RNF150: variants seen among roughly 807,000 people sequenced by gnomAD.
The protein encoded by RNF150 is ring finger protein 150.
A neutral mutation model predicts 39.3 loss-of-function variants in RNF150; 24 were observed. That is an observed-to-expected ratio of 0.61 (90% CI 0.44 to 0.86). The LOEUF is 0.86. Ranked by LOEUF, RNF150 falls within the 40% of genes least tolerant of loss-of-function variation. The pLI is 0.00. For missense variants in RNF150, 502 were observed against 587.8 expected, an observed-to-expected ratio of 0.85 and a Z score of 1.51; for synonymous variants, 255 against 227.3, an observed-to-expected ratio of 1.12 and a Z score of -1.10.
At chr4:141,202,945 C>T (rs984000514) in intron 1 of RNF150, among the ~76,000 whole-genome samples, 1 of 151,284 alleles carries the variant, frequency 6.6e-6, no homozygotes, top group Non-Finnish European at 1.5e-5. Context: ...GCACACATTT[C>T]AAAATAAAAT....
At chr4:141,169,040 A>C (rs952539888) in intron 1 of RNF150, among the ~76,000 whole-genome samples, 2 of 152,154 alleles carry the variant, frequency 1.3e-5, no homozygotes, top group Non-Finnish European at 2.9e-5. Flanking sequence ...CAGGGACAGA[A>C]TTATATAGTT....
intron 1 of RNF150, among the ~76,000 whole-genome samples, chr4:141,175,039 G>A (rs1727786200): frequency 6.6e-6 from 1 of 152,206 alleles, no homozygotes; most frequent in Non-Finnish European, 1.5e-5. Flanking sequence ...ATGGAAGCCA[G>A]ACCAAAGGCA....
intron 4 of RNF150, among the ~76,000 whole-genome samples, chr4:140,930,144 G>C (rs1731570928): frequency 6.6e-6 from 1 of 152,086 alleles, no homozygotes; most frequent in African/African-American, 2.4e-5. Context: ...CTGGGTGACA[G>C]AGCAAGACTC....
chr4:141,155,694 T>A (rs61333292), intron 1 of RNF150, among the ~76,000 whole-genome samples: 2 of 152,086 alleles, frequency 1.3e-5, no homozygotes, highest in African/African-American at 4.8e-5. Flanking sequence ...TGGCTGTATA[T>A]GTCAAAAGGT....
intron 1 of RNF150, among the ~76,000 whole-genome samples, chr4:141,139,805 G>A (rs920114989): frequency 6.6e-6 from 1 of 152,204 alleles, no homozygotes; most frequent in Admixed American, 6.5e-5. Flanking sequence ...CAGGTAGCAA[G>A]TATAAGAGTG....
At chr4:141,203,880 GTTC>G (rs1322489419) in intron 1 of RNF150, among the ~76,000 whole-genome samples, 3 of 151,870 alleles carry the variant, frequency 2.0e-5, no homozygotes, top group African/African-American at 7.3e-5. Flanking sequence ...AAAAAAAAAA[GTTC>G]TTCTCTAGAC....
rs555565695 is a variant in RNF150, at chr4:140,927,759, G to T, written c.891-1686C>A. Reference sequence around the variant, plus strand: ...TACCTCCCGGGTTCAAGTGATTCTTGTACCTCAGCCTCCCAAGTAGCTGGG... The same window carrying T: ...TACCTCCCGGGTTCAAGTGATTCTTTTACCTCAGCCTCCCAAGTAGCTGGG... On this transcript the variant is annotated intron_variant, in intron 4 of 6. Transcript: ENST00000515673. 2.0e-3 allele frequency among the ~76,000 whole-genome samples: 296 copies of T among 147,152 alleles called. 6 individuals carry two copies. The highest frequency in any genetic ancestry group is 7.1e-3 in the African/African-American group (275 of 38,690).
At chr4:141,093,480 G>A (rs1190537422) in intron 1 of RNF150, among the ~76,000 whole-genome samples, 1 of 152,136 alleles carries the variant, frequency 6.6e-6, no homozygotes, top group Admixed American at 6.5e-5. Flanking sequence ...CTATAGAAGA[G>A]TTAGCAGTTG....
intron 2 of RNF150, among the ~76,000 whole-genome samples, chr4:140,959,931 G>C (rs1241258869): frequency 6.6e-6 from 1 of 152,108 alleles, no homozygotes; most frequent in Non-Finnish European, 1.5e-5. Flanking sequence ...CTCCCCAAGT[G>C]AGCTCATCCT....
intron 6 of RNF150, among the ~76,000 whole-genome samples, chr4:140,909,764 A>G (rs987000413): frequency 6.6e-6 from 1 of 152,200 alleles, no homozygotes; most frequent in African/African-American, 2.4e-5. Context: ...ATGGCTTTTA[A>G]ATGCCTAATG....
chr4:140,965,679 T>G (rs1196317626), intron 2 of RNF150, among the ~76,000 whole-genome samples: 2 of 152,122 alleles, frequency 1.3e-5, no homozygotes, highest in African/African-American at 4.8e-5. Flanking sequence ...TGATCTCACC[T>G]ATATATGGAA....
intron 1 of RNF150, among the ~76,000 whole-genome samples, chr4:141,156,211 G>A (rs147179084): frequency 5.8e-4 from 88 of 152,314 alleles, no homozygotes; most frequent in African/African-American, 2.0e-3. Context: ...GTCAGTTGGG[G>A]AGCTGAACAT....
At chr4:140,945,746 G>T (rs570554210) in intron 4 of RNF150, among the ~76,000 whole-genome samples, 1 of 151,568 alleles carries the variant, frequency 6.6e-6, no homozygotes, top group African/African-American at 2.4e-5. Flanking sequence ...TTTTAAAACA[G>T]ATTTTCTTAA....
intron 4 of RNF150, among the ~76,000 whole-genome samples, chr4:140,941,827 T>C (rs572189217): frequency 6.6e-6 from 1 of 152,302 alleles, no homozygotes; most frequent in Non-Finnish European, 1.5e-5. Flanking sequence ...AATATAAATA[T>C]ATAAAATTAT....
At chr4:141,187,856 T>G (rs1728039929) in intron 1 of RNF150, among the ~76,000 whole-genome samples, 1 of 152,258 alleles carries the variant, frequency 6.6e-6, no homozygotes, top group African/African-American at 2.4e-5. Context: ...TATTTAAATT[T>G]AATATTGTTA....
rs79911196 is a variant in RNF150, at chr4:141,118,442, G to C, written c.484+13883C>G. On this transcript the variant is annotated intron_variant, in intron 1 of 6. Coordinates refer to ENST00000515673, the MANE Select transcript of RNF150 (RefSeq NM_020724.2). Reference sequence around the variant, plus strand: ...GAGATGGTATCTATTCAAACTGCCTGCTATTAACGGAAGGGTAGTATGTCT... The same window carrying C: ...GAGATGGTATCTATTCAAACTGCCTCCTATTAACGGAAGGGTAGTATGTCT... Among the ~76,000 whole-genome samples, 404 of 152,210 alleles carry C rather than the reference G, an allele frequency of 2.7e-3. 1 individual carries two copies. The highest frequency in any genetic ancestry group is 9.5e-3 in the African/African-American group (393 of 41,532).
At chr4:141,172,655 G>A (rs113816912) in intron 1 of RNF150, among the ~76,000 whole-genome samples, 1 of 152,174 alleles carries the variant, frequency 6.6e-6, no homozygotes, top group Non-Finnish European at 1.5e-5. Context: ...CAGAGTTGGA[G>A]ATTTTTTCTC....
intron 1 of RNF150, among the ~76,000 whole-genome samples, chr4:141,097,710 A>AT (rs1218495840): frequency 1.3e-5 from 2 of 151,392 alleles, no homozygotes; most frequent in Middle Eastern, 3.2e-3. Context: ...TTTTCCTTTC[A>AT]TTTTTTGAAC....
upstream of RNF150, chr4:141,133,472 TTGTGTG>T (rs747971541): frequency 0.021 from 3,200 of 153,614 alleles, 106 homozygotes; most frequent in African/African-American, 0.071. Flanking sequence ...GTCTGTATGT[TTGTGTG>T]TGTGTGTGTG....
Sources: gnomAD v4.1 joint callset for allele counts (sites outside exome capture counted in the v4.1 genomes callset) on GRCh38, gnomAD v4.1.1 for gene constraint, MANE v1.5 for transcripts, NCBI Gene and HGNC (gene_info 2026-07-23, HGNC 2026-07-21) for gene names.